The following MB21D2 variants were observed in gnomAD, a reference collection of about 807,000 sequenced individuals.
The protein encoded by MB21D2 is Mab-21 domain containing 2.
MB21D2 carries 9 observed loss-of-function variants against 33.3 expected under a neutral mutation model. That is an observed-to-expected ratio of 0.27 (90% CI 0.16 to 0.47). MB21D2 has a LOEUF of 0.47. Ranked by LOEUF, MB21D2 falls within the 20% of genes least tolerant of loss-of-function variation. The pLI is 0.99. For synonymous variants in MB21D2, 241 were observed against 236.3 expected, an observed-to-expected ratio of 1.02 and a Z score of -0.18; for missense variants, 540 against 624.6, an observed-to-expected ratio of 0.86 and a Z score of 1.44.
At chr3:192,912,684 G>GA (rs1247127717) in intron 1 of MB21D2, among the ~76,000 whole-genome samples, 1 of 151,600 alleles carries the variant, frequency 6.6e-6, no homozygotes, top group East Asian at 1.9e-4. Context: ...AAAAAAAAAA[G>GA]AAAAAAGAAA....
intron 1 of MB21D2, among the ~76,000 whole-genome samples, chr3:192,873,146 T>C (rs566034127): frequency 3.9e-5 from 6 of 152,238 alleles, no homozygotes; most frequent in Non-Finnish European, 8.8e-5. Flanking sequence ...TACCTACCCC[T>C]GGCTCTATCT....
intron 1 of MB21D2, among the ~76,000 whole-genome samples, chr3:192,808,671 A>C (rs1404142728): frequency 6.6e-6 from 1 of 152,170 alleles, no homozygotes; most frequent in East Asian, 1.9e-4. Flanking sequence ...CCAAGAACCT[A>C]CTACTTAAGA....
At chr3:192,838,837 G>T (rs1239547881) in intron 1 of MB21D2, among the ~76,000 whole-genome samples, 1 of 152,168 alleles carries the variant, frequency 6.6e-6, no homozygotes, top group Non-Finnish European at 1.5e-5. Context: ...CTGCCCTCAT[G>T]GAATCTTGGA....
intron 1 of MB21D2, among the ~76,000 whole-genome samples, chr3:192,869,178 C>A (rs1206680721): frequency 6.6e-6 from 1 of 151,328 alleles, no homozygotes; most frequent in African/African-American, 2.4e-5. Flanking sequence ...ATTGCTTGAG[C>A]CCGGGAGGCA....
intron 1 of MB21D2, among the ~76,000 whole-genome samples, chr3:192,849,906 G>A (rs1358537173): frequency 6.8e-6 from 1 of 148,120 alleles, no homozygotes; most frequent in Non-Finnish European, 1.5e-5. Flanking sequence ...ACAGAAACAT[G>A]TCATATAAAA....
At chr3:192,871,721 G>A (rs530048185) in intron 1 of MB21D2, among the ~76,000 whole-genome samples, 1 of 152,176 alleles carries the variant, frequency 6.6e-6, no homozygotes, top group Non-Finnish European at 1.5e-5. Flanking sequence ...CTGTGGAGGT[G>A]GGGAGAAGCC....
chr3:192,814,819 T>C (rs961121471), intron 1 of MB21D2, among the ~76,000 whole-genome samples: 1 of 150,656 alleles, frequency 6.6e-6, no homozygotes, highest in Non-Finnish European at 1.5e-5. Context: ...GAGCTGAGAT[T>C]GTGCCACTGC....
At chr3:192,859,131 A>G (rs1176290025) in intron 1 of MB21D2, among the ~76,000 whole-genome samples, 1 of 152,180 alleles carries the variant, frequency 6.6e-6, no homozygotes, top group Non-Finnish European at 1.5e-5. Flanking sequence ...ACCCAGAGGG[A>G]TCCTGATCCA....
intron 1 of MB21D2, among the ~76,000 whole-genome samples, chr3:192,868,320 T>A (rs1246458861): frequency 6.6e-6 from 1 of 152,070 alleles, no homozygotes; most frequent in African/African-American, 2.4e-5. Context: ...CCCAGTGAAC[T>A]TGAAACACAA....
intron 1 of MB21D2, among the ~76,000 whole-genome samples, chr3:192,856,037 A>T (rs1712909439): frequency 6.6e-6 from 1 of 152,234 alleles, no homozygotes; most frequent in Admixed American, 6.5e-5. Context: ...AGCCTAGGTA[A>T]CGAAGCAAGA....
intron 1 of MB21D2, among the ~76,000 whole-genome samples, chr3:192,917,362 G>C (rs1714489732): frequency 6.6e-6 from 1 of 152,228 alleles, no homozygotes; most frequent in Non-Finnish European, 1.5e-5. Flanking sequence ...CTGCCTGCCA[G>C]CCCCAGGTGG....
chr3:192,896,418 G>GTGGCTATTGACAGGTGTGA (rs11272541), intron 1 of MB21D2, among the ~76,000 whole-genome samples: 1 of 151,862 alleles, frequency 6.6e-6, no homozygotes, highest in East Asian at 1.9e-4. Flanking sequence ...CTGTTGTGCA[G>GTGGCTATTGACAGGTGTGA]TCATAGTACA....
rs955317689 is a variant in MB21D2, at chr3:192,804,928, T to C, written c.212-5278A>G. Among the ~76,000 whole-genome samples, 7 of 152,370 alleles carry C rather than the reference T, an allele frequency of 4.6e-5. No individual in the cohort carries two copies. In the South Asian group the frequency reaches 1.0e-3, roughly 23 times the overall value. ...AGAAAGTCACTAATCCATGAAATTCTTAATGACCCCAGTTGGAAAAGATTT... is the reference window on the plus strand; with the variant it reads ...AGAAAGTCACTAATCCATGAAATTCCTAATGACCCCAGTTGGAAAAGATTT... On this transcript the variant is annotated intron_variant, in intron 1 of 1. Transcript: ENST00000392452.
In MB21D2 at chr3:192,828,593, TATATATATATATATATATATA is replaced by T. The variant is rs1284154995; in HGVS notation, c.212-28964_212-28944del. 8.8e-3 allele frequency among the ~76,000 whole-genome samples: 120 copies of T among 13,694 alleles called. 5 individuals carry two copies. Among genetic ancestry groups the T allele is most frequent in the South Asian group, 0.022 (5 of 224 alleles). The allele number at this position is 13,694 out of a possible 152,430, so 9.0% of individuals were successfully genotyped here. On this transcript the variant is annotated intron_variant, in intron 1 of 1. Transcript: ENST00000392452. ...TATACAATAAAACTCACCCCCCCCA[TATATATATATATATATATATA>T]TATATATATATATATATATATATAT...
intron 1 of MB21D2, among the ~76,000 whole-genome samples, chr3:192,856,157 A>C (rs1712911991): frequency 6.6e-6 from 1 of 152,206 alleles, no homozygotes; most frequent in South Asian, 2.1e-4. Context: ...GTTCAGAATA[A>C]AATCACTCAG....
chr3:192,802,275 C>A (rs997430379), intron 1 of MB21D2, among the ~76,000 whole-genome samples: 1 of 152,172 alleles, frequency 6.6e-6, no homozygotes, highest in Non-Finnish European at 1.5e-5. Flanking sequence ...GCGAATGATG[C>A]GCCTGCAGGG....
At chr3:192,807,281 ACT>A (rs1444695509) in intron 1 of MB21D2, among the ~76,000 whole-genome samples, 1 of 151,810 alleles carries the variant, frequency 6.6e-6, no homozygotes, top group Non-Finnish European at 1.5e-5. Context: ...AAAGTTACAG[ACT>A]GACAATTTAC....
At chr3:192,814,017 TA>T (rs1347160985) in intron 1 of MB21D2, among the ~76,000 whole-genome samples, 1 of 152,216 alleles carries the variant, frequency 6.6e-6, no homozygotes, top group Non-Finnish European at 1.5e-5. Context: ...CATGGCTTAT[TA>T]ACAATGACCT....
chr3:192,814,435 G>A (rs1711866577), intron 1 of MB21D2, among the ~76,000 whole-genome samples: 1 of 152,234 alleles, frequency 6.6e-6, no homozygotes, highest in Non-Finnish European at 1.5e-5. Context: ...AAAATGTTCG[G>A]ATCAAAAGAA....
Sources: gnomAD v4.1 joint callset for allele counts (sites outside exome capture counted in the v4.1 genomes callset) on GRCh38, gnomAD v4.1.1 for gene constraint, MANE v1.5 for transcripts, NCBI Gene and HGNC (gene_info 2026-07-23, HGNC 2026-07-21) for gene names.